The following N4BP2L2 variants were observed in gnomAD, a reference collection of about 807,000 sequenced individuals.
The protein encoded by N4BP2L2 is NEDD4-binding protein 2-like 2.
In N4BP2L2, 50 loss-of-function variants were observed where a neutral mutation model predicts 56.2. The observed-to-expected ratio is 0.89, with a 90% CI of 0.71 to 1.13. N4BP2L2 has a LOEUF of 1.13. Among genes scored for constraint, N4BP2L2 ranks in the 50% most tolerant of loss-of-function variants. N4BP2L2 has a pLI of 0.00. For missense variants in N4BP2L2, 689 were observed against 693.8 expected, an observed-to-expected ratio of 0.99 and a Z score of 0.08; for synonymous variants, 203 against 223.6, an observed-to-expected ratio of 0.91 and a Z score of 0.82.
intron 6 of N4BP2L2, among the ~76,000 whole-genome samples, chr13:32,445,137 G>C (rs2076858244): frequency 6.6e-6 from 1 of 152,114 alleles, no homozygotes; most frequent in Non-Finnish European, 1.5e-5. Flanking sequence ...TATAATCCTA[G>C]CTACTCTGGA....
At chr13:32,537,264 ATATATAC>A (rs1191334416) in intron 1 of N4BP2L2, among the ~76,000 whole-genome samples, 1 of 151,646 alleles carries the variant, frequency 6.6e-6, no homozygotes, top group Non-Finnish European at 1.5e-5. Context: ...ATATATATGT[ATATATAC>A]ATATATATCT....
chr13:32,526,270 T>C (rs1323154005), intron 3 of N4BP2L2, among the ~76,000 whole-genome samples: 1 of 152,150 alleles, frequency 6.6e-6, no homozygotes, highest in Non-Finnish European at 1.5e-5. Context: ...ACAAAATGCA[T>C]TTTGAGGACT....
chr13:32,465,080 C>T (rs929645442), intron 6 of N4BP2L2, among the ~76,000 whole-genome samples: 1 of 152,038 alleles, frequency 6.6e-6, no homozygotes, highest in Non-Finnish European at 1.5e-5. Flanking sequence ...GATTCTCTTG[C>T]CTCAGCCTCC....
At chr13:32,464,202 G>C (rs1050503068) in intron 6 of N4BP2L2, among the ~76,000 whole-genome samples, 2 of 152,172 alleles carry the variant, frequency 1.3e-5, no homozygotes, top group African/African-American at 4.8e-5. Context: ...CAATAGAATG[G>C]AGGGAACAGA....
intron 6 of N4BP2L2, among the ~76,000 whole-genome samples, chr13:32,456,891 C>T (rs937446693): frequency 2.0e-5 from 3 of 152,142 alleles, no homozygotes; most frequent in Non-Finnish European, 4.4e-5. Context: ...ATCCCAGCAC[C>T]TTGGGAGGCT....
At position 32,476,581 on chromosome 13, in the gene N4BP2L2, T is replaced by C. The variant is rs1220991409; in HGVS notation, c.366-32455A>G. 5.3e-5 allele frequency among the ~76,000 whole-genome samples: 8 copies of C among 152,268 alleles called. No individual in the cohort carries two copies. The South Asian group carries it at 1.2e-3, about 24-fold the overall frequency. On this transcript the variant is annotated intron_variant, in intron 6 of 9. Transcript: ENST00000357505. ...GCCAGGCACCTGGCAGAAGTAAATATAATCCTTGCTGGAGAAATCTATTTT... is the reference window on the plus strand; with the variant it reads ...GCCAGGCACCTGGCAGAAGTAAATACAATCCTTGCTGGAGAAATCTATTTT...
chr13:32,536,752 A>C, exon 2 of N4BP2L2: 1 of 1,614,138 alleles, frequency 6.2e-7, no homozygotes, highest in Non-Finnish European at 8.5e-7. Flanking sequence ...ATTCAATAAC[A>C]TCTGGTCTAT....
At chr13:32,475,471 C>T (rs780141187) in intron 6 of N4BP2L2, among the ~76,000 whole-genome samples, 29 of 152,238 alleles carry the variant, frequency 1.9e-4, no homozygotes, top group South Asian at 1.5e-3. Context: ...TTTGAGGAGG[C>T]GGTGTCTGAT....
At chr13:32,492,434 G>A (rs2087382546) in intron 6 of N4BP2L2, among the ~76,000 whole-genome samples, 1 of 151,630 alleles carries the variant, frequency 6.6e-6, no homozygotes, top group Non-Finnish European at 1.5e-5. Context: ...AGGCACCCCA[G>A]ACAAATTTTT....
chr13:32,465,417 T>C (rs2081055190), intron 6 of N4BP2L2, among the ~76,000 whole-genome samples: 1 of 152,210 alleles, frequency 6.6e-6, no homozygotes, highest in Non-Finnish European at 1.5e-5. Context: ...ATATGATTTA[T>C]AAATCCATAT....
At chr13:32,457,633 T>C (rs147485722) in intron 6 of N4BP2L2, among the ~76,000 whole-genome samples, 167 of 152,332 alleles carry the variant, frequency 1.1e-3, no homozygotes, top group Non-Finnish European at 1.9e-3. Flanking sequence ...CCAGGAAAGT[T>C]ATCCTTCAAA....
At position 32,443,085 on chromosome 13, in the gene N4BP2L2, A is replaced by AT. The variant is rs1158061584; in HGVS notation, c.1406dup (p.Asn469LysfsTer2). On this transcript the variant is annotated frameshift_variant, in exon 7 of 10. Transcript: ENST00000357505. LOFTEE classifies it high-confidence loss of function. ...AAATCCTTTTCTTCCTCCTTTTCTT[A>AT]TTTTTTGTTGATTCTAAGGCATTCT... 1.9e-6 allele frequency: 3 copies of AT among 1,606,144 alleles called. No individual in the cohort carries two copies. The highest frequency in any genetic ancestry group is 1.3e-5 in the African/African-American group (1 of 74,316).
intron 6 of N4BP2L2, among the ~76,000 whole-genome samples, chr13:32,501,247 G>T (rs965245919): frequency 2.6e-5 from 4 of 152,018 alleles, no homozygotes; most frequent in African/African-American, 9.7e-5. Flanking sequence ...TCATTTCACA[G>T]GAGCCCAGGA....
At chr13:32,495,350 A>ACC (rs996605203) in intron 6 of N4BP2L2, among the ~76,000 whole-genome samples, 20 of 152,250 alleles carry the variant, frequency 1.3e-4, no homozygotes, top group African/African-American at 4.8e-4. Flanking sequence ...CTGGCACCCT[A>ACC]AAGGGCCCAT....
At chr13:32,467,677 G>A (rs2138847812) in intron 6 of N4BP2L2, among the ~76,000 whole-genome samples, 1 of 151,790 alleles carries the variant, frequency 6.6e-6, no homozygotes, top group South Asian at 2.1e-4. Context: ...AAAATTGTTT[G>A]AGGGCTATAG....
intron 6 of N4BP2L2, chr13:32,478,127 C>G: frequency 5.3e-6 from 6 of 1,142,196 alleles, no homozygotes; most frequent in Non-Finnish European, 6.9e-6. Context: ...TAAATAACGT[C>G]TACGCCATGG....
At chr13:32,507,453 C>G (rs937512437), downstream of N4BP2L2, 1 of 152,124 alleles carries the variant, frequency 6.6e-6, no homozygotes, top group African/African-American at 2.4e-5. Flanking sequence ...TTTGTGGACA[C>G]AGCTGTGAAC....
intron 6 of N4BP2L2, among the ~76,000 whole-genome samples, chr13:32,482,903 AT>A (rs2085078796): frequency 6.6e-6 from 1 of 152,196 alleles, no homozygotes; most frequent in South Asian, 2.1e-4. Context: ...TTGCATTGGT[AT>A]TTGATTCTAT....
At chr13:32,521,431 T>C (rs776258280) in exon 5 of N4BP2L2, 10 of 1,612,330 alleles carry the variant, frequency 6.2e-6, no homozygotes, top group South Asian at 5.5e-5. Flanking sequence ...AACTCTACTC[T>C]GTATCCTTTT....
Sources: allele counts gnomAD v4.1 joint callset (sites outside exome capture counted in the v4.1 genomes callset), GRCh38; gene constraint gnomAD v4.1.1; transcripts MANE v1.5; gene names NCBI Gene and HGNC (gene_info 2026-07-23, HGNC 2026-07-21).